Variants in TENM4 observed in about 807,000 individuals in gnomAD.
TENM4 encodes the protein teneurin transmembrane protein 4.
In TENM4, 82 loss-of-function variants were observed where a neutral mutation model predicts 243.3. The observed-to-expected ratio is 0.34, with a 90% CI of 0.28 to 0.40. The LOEUF (loss-of-function observed/expected upper bound fraction) is 0.40, where lower values mean the gene tolerates loss of function less well. TENM4 is among the 10% of genes least tolerant of loss of function. The pLI is 1.00. For missense variants in TENM4, 3,138 were observed against 3,673.3 expected (o/e 0.85, Z 3.77); for synonymous variants, 1,412 against 1,456.3 (o/e 0.97, Z 0.69).
intron 9 of TENM4, among the ~76,000 whole-genome samples, chr11:78,877,761 CA>C: frequency 6.6e-6 from 1 of 152,242 alleles, no homozygotes; most frequent in African/African-American, 2.4e-5. Context: ...GACACATTTC[CA>C]AACTCAGAAA....
At chr11:79,055,616 A>G (rs1228181053) in intron 6 of TENM4, among the ~76,000 whole-genome samples, 3 of 152,170 alleles carry the variant, frequency 2.0e-5, no homozygotes, top group Non-Finnish European at 2.9e-5. Flanking sequence ...TAGTTTTGAA[A>G]ACACTGTCCT....
Position 78,657,657 on chromosome 11 carries a change from T to C in TENM4, c.*401A>G. The C allele has an allele frequency of 2.7e-6, 1 of 367,148 alleles. No individual in the cohort carries two copies. 22.7% of individuals were successfully genotyped at this position (367,148 alleles called of 1,614,324 possible). On this transcript the variant is annotated 3_prime_UTR_variant, in exon 34 of 34. Transcript: ENST00000278550. ...CCGACCCCAGTCGAAGAAGAAAGGG[T>C]TGCACATGAGACAAGTTAGCACAGA...
At chr11:78,777,098 T>C (rs1856754026) in intron 17 of TENM4, among the ~76,000 whole-genome samples, 1 of 152,056 alleles carries the variant, frequency 6.6e-6, no homozygotes. Flanking sequence ...GTGAAAAAAC[T>C]TCACATAGTA....
chr11:79,239,630 G>A (rs747684781), intron 2 of TENM4, among the ~76,000 whole-genome samples: 2 of 152,188 alleles, frequency 1.3e-5, no homozygotes, highest in African/African-American at 2.4e-5. Context: ...CAAGACATGT[G>A]TCCCTGTGCT....
chr11:78,854,405 A>C (rs1858623440), intron 11 of TENM4, 91 bp from the exon 12 acceptor site: 1 of 1,256,484 alleles, frequency 8.0e-7, no homozygotes, highest in African/African-American at 1.5e-5. Context: ...GGACATTGGG[A>C]AACACAAATA....
chr11:78,814,832 C>T (rs1239522589), intron 12 of TENM4, among the ~76,000 whole-genome samples: 3 of 152,208 alleles, frequency 2.0e-5, no homozygotes, highest in Non-Finnish European at 4.4e-5. Flanking sequence ...AGCTACTGAG[C>T]ATTTACAAAT....
At chr11:79,372,027 T>G (rs1421770384) in intron 1 of TENM4, among the ~76,000 whole-genome samples, 1 of 152,070 alleles carries the variant, frequency 6.6e-6, no homozygotes, top group Non-Finnish European at 1.5e-5. Flanking sequence ...AAGAAATCCT[T>G]TGAGAGCCCA....
chr11:78,691,231 G>A (rs959413777), intron 28 of TENM4, among the ~76,000 whole-genome samples: 1 of 152,198 alleles, frequency 6.6e-6, no homozygotes, highest in African/African-American at 2.4e-5. Context: ...TGGAGTCTGT[G>A]GATTGACACC....
At chr11:79,357,346 T>C (rs536404854) in intron 1 of TENM4, among the ~76,000 whole-genome samples, 1 of 152,350 alleles carries the variant, frequency 6.6e-6, no homozygotes, top group East Asian at 1.9e-4. Context: ...TGAGGCCACT[T>C]TCATAGCCAA....
intron 6 of TENM4, among the ~76,000 whole-genome samples, chr11:79,020,614 TC>T (rs1355713977): frequency 2.0e-5 from 3 of 150,248 alleles, no homozygotes; most frequent in African/African-American, 7.4e-5. Flanking sequence ...ATTTTTTTTT[TC>T]CTGGCATTAA....
At chr11:79,380,429 T>A (rs1196580802) in intron 1 of TENM4, among the ~76,000 whole-genome samples, 1 of 152,054 alleles carries the variant, frequency 6.6e-6, no homozygotes, top group Non-Finnish European at 1.5e-5. Context: ...CATGGGAGAA[T>A]CTCCATCCTT....
intron 6 of TENM4, among the ~76,000 whole-genome samples, chr11:79,002,146 T>C (rs1858345625): frequency 6.6e-6 from 1 of 152,012 alleles, no homozygotes; most frequent in Non-Finnish European, 1.5e-5. Flanking sequence ...CTTGCTGGCA[T>C]GAAAGCACAT....
chr11:79,109,439 C>T lies in TENM4; in HGVS notation c.-66+39271G>A, dbSNP rs1591289337. On this transcript the variant is annotated intron_variant, in intron 4 of 33. Transcript: ENST00000278550. ...AAGCAGTGATTCTCCTTGTGAGGTG[C>T]CCAGGGGACAAGCCAAGGAGGCCTT... Among the ~76,000 whole-genome samples, 5 of 152,106 alleles carry T rather than the reference C, an allele frequency of 3.3e-5. No homozygotes were observed. The South Asian group carries it at 1.0e-3, about 32-fold the overall frequency.
intron 24 of TENM4, among the ~76,000 whole-genome samples, chr11:78,722,270 C>G (rs1312710107): frequency 6.6e-6 from 1 of 152,314 alleles, no homozygotes; most frequent in East Asian, 1.9e-4. Flanking sequence ...CTGCTTTGGT[C>G]TTCCAAGGTG....
At chr11:79,214,896 G>GATGGATGC (rs1427058010) in intron 3 of TENM4, among the ~76,000 whole-genome samples, 1 of 152,248 alleles carries the variant, frequency 6.6e-6, no homozygotes, top group East Asian at 1.9e-4. Flanking sequence ...ACCAACCTTT[G>GATGGATGC]ATGGATGCGT....
At chr11:78,904,187 T>A (rs368141485) in intron 6 of TENM4, among the ~76,000 whole-genome samples, 1 of 151,644 alleles carries the variant, frequency 6.6e-6, no homozygotes, top group Admixed American at 6.6e-5. Context: ...GGTGAAACCC[T>A]GTCTCTACTA....
chr11:79,393,901 G>A (rs540260006), intron 1 of TENM4, among the ~76,000 whole-genome samples: 174 of 152,290 alleles, frequency 1.1e-3, no homozygotes, highest in African/African-American at 4.1e-3. Flanking sequence ...GTGGGGGGTT[G>A]GAGGATGCAT....
chr11:79,010,216 C>T (rs979315284), intron 6 of TENM4, among the ~76,000 whole-genome samples: 1 of 152,092 alleles, frequency 6.6e-6, no homozygotes, highest in South Asian at 2.1e-4. Flanking sequence ...TACCTGGCTA[C>T]CTTTACATGA....
At chr11:79,187,265 T>C (rs1863396910) in intron 3 of TENM4, among the ~76,000 whole-genome samples, 1 of 152,196 alleles carries the variant, frequency 6.6e-6, no homozygotes, top group Non-Finnish European at 1.5e-5. Flanking sequence ...AAGGGAAAAG[T>C]GCAAGACTAA....
Sources: allele counts gnomAD v4.1 joint callset (sites outside exome capture counted in the v4.1 genomes callset), GRCh38; gene constraint gnomAD v4.1.1; transcripts MANE v1.5; gene names NCBI Gene and HGNC (gene_info 2026-07-23, HGNC 2026-07-21).